The following PTS variants were observed in gnomAD, a reference collection of about 807,000 sequenced individuals.
PTS encodes 6-pyruvoyltetrahydropterin synthase, also known as 6-pyruvoyl tetrahydrobiopterin synthase.
PTS carries 23 observed loss-of-function variants against 20.6 expected under a neutral mutation model. That is an observed-to-expected ratio of 1.12 (90% CI 0.80 to 1.58). PTS has a LOEUF of 1.58. Among genes scored for constraint, PTS ranks in the 40% most tolerant of loss-of-function variants. The pLI is 0.00. For missense variants in PTS, 186 were observed against 182.4 expected (o/e 1.02, Z -0.11); for synonymous variants, 65 against 62.5 (o/e 1.04, Z -0.19).
chr11:112,230,357 G>A (rs775505962), intron 3 of PTS, 127 bp downstream of exon 3: 20 of 1,199,948 alleles, frequency 1.7e-5, no homozygotes, highest in South Asian at 6.1e-5. Context: ...GTATATGTGT[G>A]TGTGGTGAGC....
chr11:112,230,473 G>A (rs772268308), intron 3 of PTS, 153 bp from the exon 4 acceptor site: 1 of 808,972 alleles, frequency 1.2e-6, no homozygotes, highest in Non-Finnish European at 2.1e-6. Flanking sequence ...AGTACATGGT[G>A]CTTCCATGCT....
At position 112,233,434 on chromosome 11, in the gene PTS, C is replaced by T. The variant is rs200712908; in HGVS notation, c.317C>T (p.Thr106Met). The T allele has an allele frequency of 4.4e-5, 70 of 1,608,766 alleles. No homozygotes were observed. The highest frequency in any genetic ancestry group is 6.7e-5 in the East Asian group (3 of 44,802). Reference protein sequence around the residue: ...DVPYFADVVSTTENVAVYIWD... With the variant: ...DVPYFADVVSMTENVAVYIWD... Reference sequence around the variant, plus strand: ...GTTTTTGTTTTTTTTTCTTATAGCACGACTGAAAATGTAGCTGTTTATATC... The same window carrying T: ...GTTTTTGTTTTTTTTTCTTATAGCATGACTGAAAATGTAGCTGTTTATATC... Residue 106 changes from threonine (T) to methionine (M), a missense_variant and splice_region_variant, in exon 6 of 6, where the codon ACG (threonine) becomes ATG (methionine). By Grantham distance (81) the Thr-to-Met change is moderately conservative. Coordinates refer to ENST00000280362, the MANE Select transcript of PTS (RefSeq NM_000317.3).
chr11:112,231,517 T>C (rs1484920802), intron 4 of PTS, among the ~76,000 whole-genome samples: 1 of 152,242 alleles, frequency 6.6e-6, no homozygotes, highest in African/African-American at 2.4e-5. Context: ...TTTATTATGC[T>C]GTCATTTCAC....
intron 4 of PTS, 62 bp downstream of exon 4, chr11:112,230,744 T>A (rs1245993255): frequency 1.4e-6 from 2 of 1,383,030 alleles, no homozygotes; most frequent in African/African-American, 2.9e-5. Context: ...GGTGGCCCCC[T>A]ATCTACCTCC....
chr11:112,233,303 T>C (rs1859967373), intron 5 of PTS, 70 bp downstream of exon 5: 1 of 1,559,258 alleles, frequency 6.4e-7, no homozygotes, highest in Non-Finnish European at 8.8e-7. Context: ...TTGATTGTTG[T>C]GTGATTTCTG....
chr11:112,232,168 C>T (rs911548108), intron 4 of PTS, among the ~76,000 whole-genome samples: 1 of 152,010 alleles, frequency 6.6e-6, no homozygotes, highest in Non-Finnish European at 1.5e-5. Context: ...TGCTTGAGTC[C>T]AGGAGTTCAA....
intron 1 of PTS, chr11:112,228,199 A>T: frequency 5.5e-6 from 1 of 182,388 alleles, no homozygotes; most frequent in Non-Finnish European, 1.2e-5. Context: ...GAAATGAGAT[A>T]GTAAGCCACT....
chr11:112,227,264 C>T (rs1169715383), intron 1 of PTS, among the ~76,000 whole-genome samples: 2 of 152,062 alleles, frequency 1.3e-5, no homozygotes, highest in Non-Finnish European at 2.9e-5. Flanking sequence ...GGATTCATCC[C>T]TCCATTCGCT....
intron 1 of PTS, among the ~76,000 whole-genome samples, chr11:112,226,850 G>T (rs1859872328): frequency 6.6e-6 from 1 of 151,762 alleles, no homozygotes; most frequent in African/African-American, 2.4e-5. Context: ...GTCCCTTGGT[G>T]TAGACCACAG....
intron 5 of PTS, 29 bp from the exon 6 acceptor site, chr11:112,233,400 ATTT>A (rs753698606): frequency 5.1e-6 from 8 of 1,576,380 alleles, no homozygotes; most frequent in Non-Finnish European, 6.0e-6. Flanking sequence ...TGCATTTTGA[ATTT>A]TTTTTGTTTT....
rs746134820 is a variant in PTS at position 112,226,531 on chromosome 11, G to T, written c.83+5G>T. 3.4e-5 allele frequency: 53 copies of T among 1,580,012 alleles called. No homozygotes were observed. Among genetic ancestry groups the T allele is most frequent in the Non-Finnish European group, 4.5e-5 (52 of 1,165,304 alleles). Reference sequence around the variant, plus strand: ...CGCGAGCCACCGATTGTACAGGTAGGGTGTGCACACAGGTACAGCGGCGGG... The same window carrying T: ...CGCGAGCCACCGATTGTACAGGTAGTGTGTGCACACAGGTACAGCGGCGGG... On this transcript the variant is annotated splice_donor_5th_base_variant and intron_variant, in intron 1 of 5. Coordinates refer to ENST00000280362, the MANE Select transcript of PTS (RefSeq NM_000317.3).
intron 1 of PTS, chr11:112,228,362 T>G (rs1859891255): frequency 1.8e-6 from 1 of 565,668 alleles, no homozygotes; most frequent in Non-Finnish European, 3.1e-6. Flanking sequence ...AGTTAAGGTT[T>G]GTTTGTGCTA....
intron 1 of PTS, chr11:112,228,211 T>G (rs910199140): frequency 6.4e-5 from 12 of 187,580 alleles, no homozygotes; most frequent in Admixed American, 2.8e-4. Context: ...TAAGCCACTT[T>G]GCGGATCACC....
intron 1 of PTS, chr11:112,228,327 A>C: frequency 2.0e-6 from 1 of 503,262 alleles, no homozygotes; most frequent in South Asian, 2.2e-5. Flanking sequence ...TGAGCAGATC[A>C]GTTGCTGTGG....
intron 1 of PTS, among the ~76,000 whole-genome samples, chr11:112,227,418 C>T (rs1398344950): frequency 1.3e-5 from 2 of 152,052 alleles, no homozygotes; most frequent in African/African-American, 2.4e-5. Flanking sequence ...ACTCTAAATA[C>T]AAGAAGTGGC....
chr11:112,228,409 C>A, intron 1 of PTS, 185 bp from the exon 2 acceptor site: 1 of 614,472 alleles, frequency 1.6e-6, no homozygotes, highest in East Asian at 2.8e-5. Flanking sequence ...GGGAATATGC[C>A]ATGGTTTGTG....
At position 112,228,692 on chromosome 11, in the gene PTS, A is replaced by G; in HGVS notation, c.163+19A>G. On this transcript the variant is annotated intron_variant, in intron 2 of 5. Transcript: ENST00000280362. ...TATAAAGGTGAGAGAAAAACTGATG[A>G]CATTTCAGCCCTTCAATAAGGATGA... 6.3e-7 allele frequency: 1 copy of G among 1,592,776 alleles called. No individual in the cohort carries two copies. The highest frequency in any genetic ancestry group is 8.6e-7 in the Non-Finnish European group (1 of 1,161,468).
At chr11:112,229,383 G>A (rs1566815322) in intron 2 of PTS, 2 of 150,524 alleles carry the variant, frequency 1.3e-5, no homozygotes, top group African/African-American at 4.9e-5. Flanking sequence ...CACTGATAAA[G>A]TTTTTTTTTG....
At chr11:112,232,232 C>T (rs938591823) in intron 4 of PTS, among the ~76,000 whole-genome samples, 3 of 152,050 alleles carry the variant, frequency 2.0e-5, no homozygotes, top group Non-Finnish European at 4.4e-5. Flanking sequence ...ATGACAGAGA[C>T]CCTGTCTCTA....
Sources: allele counts gnomAD v4.1 joint callset (sites outside exome capture counted in the v4.1 genomes callset), GRCh38; gene constraint gnomAD v4.1.1; transcripts MANE v1.5; gene names NCBI Gene and HGNC (gene_info 2026-07-23, HGNC 2026-07-21).